The following SH3RF1 variants were observed in gnomAD, a reference collection of about 807,000 sequenced individuals.
SH3RF1 encodes the protein E3 ubiquitin-protein ligase SH3RF1.
Under a neutral mutation model 74.0 loss-of-function variants are expected in SH3RF1, and 32 were observed. The observed-to-expected ratio is 0.43, with a 90% confidence interval of 0.33 to 0.58. SH3RF1 has a LOEUF of 0.58. SH3RF1 is among the 20% of genes least tolerant of loss of function. The pLI, the probability that SH3RF1 is intolerant of heterozygous loss-of-function variation, is 0.05. For synonymous variants in SH3RF1, 396 were observed against 439.6 expected (o/e 0.90, Z 1.24); for missense variants, 954 against 1,130.9 (o/e 0.84, Z 2.24).
chr4:169,166,095 T>C (rs1433453092), intron 2 of SH3RF1, among the ~76,000 whole-genome samples: 1 of 145,584 alleles, frequency 6.9e-6, no homozygotes, highest in Non-Finnish European at 1.5e-5. Context: ...TTTGACTGTA[T>C]TGAAATTGAA....
At chr4:169,170,274 TTC>T (rs568107730) in intron 2 of SH3RF1, among the ~76,000 whole-genome samples, 133 of 152,300 alleles carry the variant, frequency 8.7e-4, no homozygotes, top group African/African-American at 3.0e-3. Context: ...ACACATTTTT[TTC>T]TGTTTCTAGG....
intron 2 of SH3RF1, among the ~76,000 whole-genome samples, chr4:169,212,057 CTTTTTTTTTTTTT>C (rs34108534): frequency 8.3e-5 from 4 of 48,266 alleles, no homozygotes; most frequent in South Asian, 8.5e-4. Flanking sequence ...CTTTTCTTTT[CTTTTTTTTTTTTT>C]TTTTTTTTTT....
intron 4 of SH3RF1, among the ~76,000 whole-genome samples, chr4:169,151,943 T>C (rs1733983257): frequency 6.6e-6 from 1 of 152,252 alleles, no homozygotes; most frequent in African/African-American, 2.4e-5. Flanking sequence ...AAGAATCATG[T>C]CATCCAAACT....
chr4:169,133,540 G>A (rs897478475), intron 5 of SH3RF1, among the ~76,000 whole-genome samples: 4 of 152,084 alleles, frequency 2.6e-5, no homozygotes, highest in African/African-American at 9.7e-5. Flanking sequence ...CACTTGGGGA[G>A]GCTGAAGTAG....
At chr4:169,131,475 C>G (rs1166305538) in intron 5 of SH3RF1, among the ~76,000 whole-genome samples, 1 of 152,112 alleles carries the variant, frequency 6.6e-6, no homozygotes, top group African/African-American at 2.4e-5. Context: ...ACTCCAAACC[C>G]TCATTTTCTA....
intron 2 of SH3RF1, among the ~76,000 whole-genome samples, chr4:169,167,408 T>C (rs942588561): frequency 6.6e-6 from 1 of 152,202 alleles, no homozygotes; most frequent in African/African-American, 2.4e-5. Flanking sequence ...TAAAGTTATA[T>C]GTACATTTAC....
chr4:169,138,890 C>T (rs1733739015), intron 4 of SH3RF1, among the ~76,000 whole-genome samples: 1 of 152,102 alleles, frequency 6.6e-6, no homozygotes, highest in African/African-American at 2.4e-5. Flanking sequence ...ATACTGGGTG[C>T]TTCCTTTGTG....
chr4:169,147,802 T>C (rs1470158976), intron 4 of SH3RF1, among the ~76,000 whole-genome samples: 1 of 152,282 alleles, frequency 6.6e-6, no homozygotes, highest in East Asian at 1.9e-4. Flanking sequence ...TGCACACACA[T>C]GCTGGACCAG....
In SH3RF1 at chr4:169,106,864, T is replaced by A. The variant is rs1253476703; in HGVS notation, c.2481A>T (p.Arg827Ser). ...GAACTTACCTTTCACAAACGACAGG[T>A]CTAGACTCATTCAAGACAGGACCCA... ...SSLGPVLNES[R>S]PVVCERHRVV... is the part of the protein sequence containing the mutation. The change falls in exon 11 of 12, where the codon AGA becomes AGT. Residue 827 changes from arginine to serine, a missense_variant. Coordinates refer to ENST00000284637, the MANE Select transcript of SH3RF1 (RefSeq NM_020870.4). 6.2e-7 allele frequency: 1 copy of A among 1,608,376 alleles called. No individual in the cohort carries two copies. The highest frequency in any genetic ancestry group is 8.5e-7 in the Non-Finnish European group (1 of 1,177,474).
At chr4:169,130,354 C>G (rs1244286078) in intron 5 of SH3RF1, among the ~76,000 whole-genome samples, 198 bp from the exon 6 acceptor site, 7 of 152,054 alleles carry the variant, frequency 4.6e-5, no homozygotes, top group Non-Finnish European at 8.8e-5. Flanking sequence ...TTACTAGATG[C>G]TGGGGAGTGA....
rs567974919 is a variant in SH3RF1 at position 169,236,292 on chromosome 4, A to G, written c.393+32528T>C. 6.6e-5 allele frequency among the ~76,000 whole-genome samples: 10 copies of G among 152,310 alleles called. No individual in the cohort carries two copies. In the South Asian group the frequency reaches 2.1e-3, roughly 32 times the overall value. On this transcript the variant is annotated intron_variant, in intron 2 of 11. Coordinates refer to ENST00000284637, the MANE Select transcript of SH3RF1 (RefSeq NM_020870.4). ...TTCCAGATGGAAGCTTTAAGCCAGA[A>G]CTCGACTTGCCAATTCCCTTCCTGG... is the stretch of plus-strand genomic sequence containing the variant.
chr4:169,145,734 C>T (rs1733865098), intron 4 of SH3RF1, among the ~76,000 whole-genome samples: 2 of 145,566 alleles, frequency 1.4e-5, no homozygotes, highest in African/African-American at 5.0e-5. Flanking sequence ...AGGTGTGAGC[C>T]ACCGCCTGGT....
In SH3RF1 at chr4:169,136,620, A is replaced by G; in HGVS notation, c.766T>C (p.Phe256Leu). 6.7e-7 allele frequency: 1 copy of G among 1,494,274 alleles called. No individual in the cohort carries two copies. The highest frequency in any genetic ancestry group is 1.4e-5 in the South Asian group (1 of 72,156). 92.6% of individuals were successfully genotyped at this position (1,494,274 alleles called of 1,614,324 possible). A position where few individuals can be genotyped will look rare whatever the true frequency, so the allele number is the denominator to read the frequency against. Residue 256 changes from phenylalanine to leucine, a missense_variant and splice_region_variant, in exon 5 of 12, where the codon TTT becomes CTT. Phe to Leu is a conservative substitution (Grantham distance 22). Coordinates refer to ENST00000284637, the MANE Select transcript of SH3RF1 (RefSeq NM_020870.4). ...IGIFPISYVE[F>L]NSAAKQLIEW... ...ATCAGCTGCTTAGCAGCCGAGTTAA[A>G]CTGCAAAAGCAACCAACAAACCAAC...
At chr4:169,167,203 T>C (rs758134002) in intron 2 of SH3RF1, 3 of 153,232 alleles carry the variant, frequency 2.0e-5, no homozygotes, top group African/African-American at 7.2e-5. Context: ...GAAAAGAAGA[T>C]GTTTGTATAG....
At chr4:169,128,017 A>C (rs1579095917) in intron 6 of SH3RF1, among the ~76,000 whole-genome samples, 1 of 152,306 alleles carries the variant, frequency 6.6e-6, no homozygotes, top group South Asian at 2.1e-4. Flanking sequence ...TCATGTTTGC[A>C]CTCAAAATGT....
In SH3RF1 at chr4:169,268,919, C is replaced by T. The variant is rs376723377; in HGVS notation, c.294G>A (p.Arg98=). ...GSGTNCTNAL[R]SQSSTVANCS... is the part of the protein sequence containing the mutation. ...AATTAGCCACAGTGCTGCTCTGAGA[C>T]CTTAATGCATTTGTGCAGTTGGTCC... The change falls in exon 2 of 12, where the codon AGG becomes AGA. Residue 98 remains arginine (R), a synonymous_variant. Coordinates refer to ENST00000284637, the MANE Select transcript of SH3RF1 (RefSeq NM_020870.4). 34 of 1,613,954 alleles carry T rather than the reference C, an allele frequency of 2.1e-5. No homozygotes were observed. The highest frequency in any genetic ancestry group is 2.7e-5 in the Non-Finnish European group (32 of 1,180,040).
intron 2 of SH3RF1, among the ~76,000 whole-genome samples, chr4:169,185,178 C>A (rs1734582216): frequency 6.6e-6 from 1 of 152,190 alleles, no homozygotes; most frequent in Non-Finnish European, 1.5e-5. Flanking sequence ...GTCCCTACCA[C>A]ATGCCAAGCA....
In SH3RF1 at chr4:169,130,139, G is replaced by T; in HGVS notation, c.1086C>A (p.Thr362=). The T allele has an allele frequency of 6.3e-7, 1 of 1,587,490 alleles. No homozygotes were observed. The highest frequency in any genetic ancestry group is 8.5e-7 in the Non-Finnish European group (1 of 1,171,594). ...SAPSQVHIST[T]GLIVTPPPSS... ...TTGGGGGCGGGGTCACAATTAACCC[G>T]GTGGTACTTATATGAACCTGCCGAG... The change falls in exon 6 of 12, where the codon ACC becomes ACA. Residue 362 remains threonine, a synonymous_variant. Transcript: ENST00000284637.
At chr4:169,177,734 T>C (rs1201391486) in intron 2 of SH3RF1, among the ~76,000 whole-genome samples, 1 of 152,200 alleles carries the variant, frequency 6.6e-6, no homozygotes, top group African/African-American at 2.4e-5. Flanking sequence ...GTTGCTTACA[T>C]ATATGTAAAC....
Sources: gnomAD v4.1 joint callset for allele counts (sites outside exome capture counted in the v4.1 genomes callset) on GRCh38, gnomAD v4.1.1 for gene constraint, MANE v1.5 for transcripts, NCBI Gene and HGNC (gene_info 2026-07-23, HGNC 2026-07-21) for gene names.